IQCM: variants seen among roughly 807,000 people sequenced by gnomAD.
IQCM encodes IQ domain-containing protein M.
Under a neutral mutation model 57.6 loss-of-function variants are expected in IQCM, and 45 were observed. The observed-to-expected ratio is 0.78, with a 90% CI of 0.62 to 1.00. The LOEUF (loss-of-function observed/expected upper bound fraction) is 1.00. Ranked by LOEUF, IQCM falls within the 50% of genes least tolerant of loss-of-function variation. The probability of loss-of-function intolerance (pLI) is 0.00; values close to 1 mark genes in which losing one functional copy is unlikely to be tolerated. For missense variants in IQCM, 468 were observed against 511.6 expected, an observed-to-expected ratio of 0.91 and a Z score of 0.82; for synonymous variants, 148 against 158.9, an observed-to-expected ratio of 0.93 and a Z score of 0.51.
chr4:149,357,458 T>G (rs1729089684), intron 13 of IQCM, among the ~76,000 whole-genome samples: 1 of 152,020 alleles, frequency 6.6e-6, no homozygotes, highest in Admixed American at 6.6e-5. Context: ...GCATGAAGAG[T>G]TGTTAAATTT....
At chr4:149,673,547 G>T (rs995518516) in intron 7 of IQCM, among the ~76,000 whole-genome samples, 3 of 152,116 alleles carry the variant, frequency 2.0e-5, no homozygotes, top group African/African-American at 4.8e-5. Flanking sequence ...TAATGGTAAA[G>T]GGATCAATTC....
chr4:149,792,015 T>C (rs1772669959), intron 2 of IQCM, among the ~76,000 whole-genome samples: 1 of 152,086 alleles, frequency 6.6e-6, no homozygotes, highest in Non-Finnish European at 1.5e-5. Flanking sequence ...CTGATGCAAA[T>C]AGGATGGCAA....
chr4:149,616,506 A>G (rs1034962234), intron 8 of IQCM, among the ~76,000 whole-genome samples: 1 of 152,178 alleles, frequency 6.6e-6, no homozygotes, highest in Non-Finnish European at 1.5e-5. Context: ...CTGGAGATGG[A>G]TAGTAATGAT....
Position 149,530,467 on chromosome 4 carries a change from T to C in IQCM, c.1228+17988A>G, listed in dbSNP as rs373888155. On this transcript the variant is annotated intron_variant, in intron 12 of 13. Coordinates refer to ENST00000636793, the MANE Select transcript of IQCM (RefSeq NM_001363507.2). Reference sequence around the variant, plus strand: ...GGAACAACCAGGAAAGCAATCTCTGTGTATCCAAGAGAGGATACAGAATTG... The same window carrying C: ...GGAACAACCAGGAAAGCAATCTCTGCGTATCCAAGAGAGGATACAGAATTG... Among the ~76,000 whole-genome samples the C allele has an allele frequency of 2.0e-5, 3 of 152,146 alleles. No individual in the cohort carries two copies. The East Asian group carries it at 5.8e-4, about 29-fold the overall frequency.
chr4:149,737,400 T>C (rs1767038801), intron 3 of IQCM, among the ~76,000 whole-genome samples: 1 of 152,214 alleles, frequency 6.6e-6, no homozygotes, highest in African/African-American at 2.4e-5. Flanking sequence ...TGTTGATTGA[T>C]GGATGGGTAT....
intron 9 of IQCM, among the ~76,000 whole-genome samples, chr4:149,573,946 A>C (rs1349511814): frequency 6.6e-6 from 1 of 152,050 alleles, no homozygotes; most frequent in African/African-American, 2.4e-5. Flanking sequence ...GTTGGTATTG[A>C]CAATAGCCAA....
At chr4:149,564,929 C>A (rs187515557) in intron 9 of IQCM, among the ~76,000 whole-genome samples, 9 of 152,258 alleles carry the variant, frequency 5.9e-5, no homozygotes, top group African/African-American at 2.2e-4. Context: ...AACAGATTAT[C>A]TGTAATCTTG....
rs142743694 is a variant in IQCM at position 149,445,037 on chromosome 4, C to T, written c.1229-11480G>A. Among the ~76,000 whole-genome samples, 9 of 152,026 alleles carry T rather than the reference C, an allele frequency of 5.9e-5. No homozygotes were observed. The East Asian group carries it at 1.7e-3, about 30-fold the overall frequency. On this transcript the variant is annotated intron_variant, in intron 12 of 13. Coordinates refer to ENST00000636793, the MANE Select transcript of IQCM (RefSeq NM_001363507.2). ...CATGTCTAAAATAATGTATAATACACTGTGACTGGATCATAGTTACAATAT... is the reference window on the plus strand; with the variant it reads ...CATGTCTAAAATAATGTATAATACATTGTGACTGGATCATAGTTACAATAT...
At chr4:149,418,629 T>C (rs2111206298) in intron 13 of IQCM, among the ~76,000 whole-genome samples, 1 of 151,952 alleles carries the variant, frequency 6.6e-6, no homozygotes, top group South Asian at 2.1e-4. Flanking sequence ...CTGACAGAGA[T>C]TCAATAAAAA....
chr4:149,807,334 T>C (rs1324354753), intron 2 of IQCM, among the ~76,000 whole-genome samples: 1 of 151,878 alleles, frequency 6.6e-6, no homozygotes, highest in African/African-American at 2.4e-5. Flanking sequence ...GGGGAAGGGA[T>C]AGACTCTTTT....
intron 9 of IQCM, among the ~76,000 whole-genome samples, chr4:149,572,704 T>A (rs1356289315): frequency 6.6e-6 from 1 of 152,038 alleles, no homozygotes; most frequent in East Asian, 1.9e-4. Flanking sequence ...CATTTTTTGT[T>A]GTGATTAGTT....
intron 12 of IQCM, among the ~76,000 whole-genome samples, chr4:149,455,148 A>G (rs1193228936): frequency 6.6e-6 from 1 of 152,108 alleles, no homozygotes; most frequent in South Asian, 2.1e-4. Context: ...TATTAGATGT[A>G]ACCTTGTTGT....
At chr4:149,482,119 G>A (rs1740970225) in intron 12 of IQCM, among the ~76,000 whole-genome samples, 2 of 151,748 alleles carry the variant, frequency 1.3e-5, no homozygotes, top group South Asian at 4.1e-4. Flanking sequence ...CATTTTATAT[G>A]TTGACTTTGT....
chr4:149,563,758 G>C lies in IQCM; in HGVS notation c.882C>G (p.Val294=). The part of the protein sequence containing the change: ...FMITPKLIRM[V]TVMQAHVRGW... ...CCCTGACATGTGCCTGCATGACGGT[G>C]ACCATTCTAATCAATTTTGGGGTAA... Residue 294 remains valine (V), a synonymous_variant, in exon 10 of 14, where the codon GTC becomes GTG. Transcript: ENST00000636793. The C allele has an allele frequency of 8.1e-7, 1 of 1,231,966 alleles. No individual in the cohort carries two copies. Among genetic ancestry groups the C allele is most frequent in the Non-Finnish European group, 1.0e-6 (1 of 987,926 alleles). 76.3% of individuals were successfully genotyped at this position (1,231,966 alleles called of 1,614,324 possible). A position where few individuals can be genotyped will look rare whatever the true frequency, so the allele number is the denominator to read the frequency against.
At chr4:149,449,818 A>G (rs1036519686) in intron 12 of IQCM, among the ~76,000 whole-genome samples, 1 of 151,872 alleles carries the variant, frequency 6.6e-6, no homozygotes, top group Non-Finnish European at 1.5e-5. Context: ...ATCCCTATCA[A>G]AATACCAATG....
intron 2 of IQCM, among the ~76,000 whole-genome samples, chr4:149,784,715 GA>G (rs1771923871): frequency 6.6e-6 from 1 of 152,118 alleles, no homozygotes; most frequent in African/African-American, 2.4e-5. Context: ...CGCCCGGCCT[GA>G]AAAAAAGTAA....
chr4:149,606,282 G>T (rs534002740), intron 8 of IQCM, among the ~76,000 whole-genome samples: 1 of 152,262 alleles, frequency 6.6e-6, no homozygotes, highest in South Asian at 2.1e-4. Context: ...AGGAAATACA[G>T]TGAGAGACTT....
chr4:149,526,249 G>A (rs1444753306), intron 12 of IQCM, among the ~76,000 whole-genome samples: 7 of 151,862 alleles, frequency 4.6e-5, no homozygotes, highest in Non-Finnish European at 8.8e-5. Flanking sequence ...TATAAACAAA[G>A]TAAATTCTGA....
chr4:149,460,123 T>A (rs539219383), intron 12 of IQCM, among the ~76,000 whole-genome samples: 1 of 152,294 alleles, frequency 6.6e-6, no homozygotes, highest in South Asian at 2.1e-4. Context: ...CTAATGTGTA[T>A]GAAGTGGTAT....
Sources: allele counts gnomAD v4.1 joint callset (sites outside exome capture counted in the v4.1 genomes callset), GRCh38; gene constraint gnomAD v4.1.1; transcripts MANE v1.5; gene names NCBI Gene and HGNC (gene_info 2026-07-23, HGNC 2026-07-21).